Variants in PCDHA3 observed in about 807,000 individuals in gnomAD.
PCDHA3 encodes protocadherin alpha-3.
Under a neutral mutation model 62.2 loss-of-function variants are expected in PCDHA3, and 41 were observed. The ratio of observed to expected loss-of-function variants is 0.66; its 90% CI spans 0.51 to 0.86. The LOEUF (loss-of-function observed/expected upper bound fraction) is 0.86, where lower values mean the gene tolerates loss of function less well. PCDHA3 is among the 40% of genes least tolerant of loss of function. PCDHA3 has a pLI of 0.00. For synonymous variants in PCDHA3, 640 were observed against 555.4 expected (o/e 1.15, Z -2.14); for missense variants, 1,304 against 1,241.2 (o/e 1.05, Z -0.76).
At chr5:140,926,961 G>A in intron 1 of PCDHA3, 1 of 1,604,688 alleles carries the variant, frequency 6.2e-7, no homozygotes, top group Non-Finnish European at 8.5e-7. Context: ...GACAGCTCGA[G>A]TACTCAGTGC....
chr5:140,842,426 A>G (rs150855027), intron 1 of PCDHA3: 1 of 1,613,494 alleles, frequency 6.2e-7, no homozygotes, highest in African/African-American at 1.3e-5. Context: ...TGGTACTGTC[A>G]TCGCCCTAAT....
At chr5:140,857,925 A>G (rs1291686886) in intron 1 of PCDHA3, 2 of 1,597,800 alleles carry the variant, frequency 1.3e-6, no homozygotes. Context: ...GTGGGGCTGT[A>G]CACGGGCGAG....
chr5:140,946,631 T>TATATATATATATAC (rs57893927), intron 1 of PCDHA3, among the ~76,000 whole-genome samples: 2,707 of 131,678 alleles, frequency 0.021, 122 homozygotes, highest in African/African-American at 0.036. Flanking sequence ...TATATATATA[T>TATATATATATATAC]ACAATGGAAT....
chr5:140,914,771 ACTTAT>A (rs1394572780), intron 1 of PCDHA3, among the ~76,000 whole-genome samples: 1 of 151,760 alleles, frequency 6.6e-6, no homozygotes, highest in Non-Finnish European at 1.5e-5. Context: ...GAGGTTTATG[ACTTAT>A]CTTATGACCC....
Position 140,857,393 on chromosome 5 carries a change from G to C in PCDHA3, c.2394+53802G>C, listed in dbSNP as rs146099067. On this transcript the variant is annotated intron_variant, in intron 1 of 3. Coordinates refer to ENST00000522353, the MANE Select transcript of PCDHA3 (RefSeq NM_018906.3). The stretch of plus-strand genomic sequence containing the variant: ...GTCTGTGGAGGTGGCCGACGTGAAC[G>C]ACAACGCGCCTGCGTTCGCGCAGTC... The C allele has an allele frequency of 3.2e-4, 519 of 1,598,492 alleles. 32 individuals carry two copies. In the African/African-American group the frequency reaches 5.9e-3, roughly 18 times the overall value.
chr5:140,841,945 C>A (rs1554138662), intron 1 of PCDHA3: 1 of 1,613,782 alleles, frequency 6.2e-7, no homozygotes, highest in African/African-American at 1.3e-5. Flanking sequence ...CTCCTGCGCA[C>A]CACTTATTCC....
chr5:140,852,903 G>A, intron 1 of PCDHA3: 1 of 833,182 alleles, frequency 1.2e-6, no homozygotes, highest in South Asian at 5.4e-5. Flanking sequence ...TTTTGAGTCA[G>A]AGTCTCGCTC....
At chr5:140,882,039 TGA>T (rs781834736) in intron 1 of PCDHA3, 12 of 658,206 alleles carry the variant, frequency 1.8e-5, no homozygotes, top group Non-Finnish European at 2.9e-5. Flanking sequence ...ATATGAAGAC[TGA>T]GTCATACTTA....
At chr5:140,870,299 C>T (rs62622798) in intron 1 of PCDHA3, 44,120 of 1,614,102 alleles carry the variant, frequency 0.027, 770 homozygotes, top group Admixed American at 0.064. Flanking sequence ...CTGGTGTCCA[C>T]CTTCAAGAAT....
intron 1 of PCDHA3, chr5:140,857,129 G>A: frequency 6.3e-7 from 1 of 1,598,280 alleles, no homozygotes; most frequent in Non-Finnish European, 8.6e-7. Context: ...AGTGAAAGAA[G>A]ATGCTCAAGT....
intron 3 of PCDHA3, among the ~76,000 whole-genome samples, chr5:140,985,006 C>T (rs892412151): frequency 1.3e-5 from 2 of 151,922 alleles, no homozygotes; most frequent in South Asian, 2.1e-4. Context: ...GGCACGATAT[C>T]GGCTCACAGC....
intron 1 of PCDHA3, chr5:140,824,729 AGATTAC>A (rs1554130046): frequency 6.7e-6 from 1 of 149,846 alleles, no homozygotes; most frequent in African/African-American, 2.5e-5. Context: ...CGAAGTACTA[AGATTAC>A]AGGATTGAGC....
At chr5:140,985,739 C>CTTTTTT (rs11372071) in intron 3 of PCDHA3, among the ~76,000 whole-genome samples, 3 of 117,922 alleles carry the variant, frequency 2.5e-5, no homozygotes, top group Non-Finnish European at 1.7e-5. Context: ...TGATGAATTC[C>CTTTTTT]TTTTTTTTTT....
At chr5:140,988,093 G>C (rs17119334) in intron 3 of PCDHA3, among the ~76,000 whole-genome samples, 1 of 152,036 alleles carries the variant, frequency 6.6e-6, no homozygotes, top group Non-Finnish European at 1.5e-5. Flanking sequence ...GTGCAGCCTC[G>C]GGCCTTGTTG....
chr5:140,805,108 C>G, intron 1 of PCDHA3: 1 of 1,590,148 alleles, frequency 6.3e-7, no homozygotes, highest in Non-Finnish European at 8.5e-7. Flanking sequence ...AAACTATTGT[C>G]TAACAAGACT....
chr5:140,875,642 C>T (rs2153326944), intron 1 of PCDHA3: 3 of 1,613,606 alleles, frequency 1.9e-6, no homozygotes, highest in East Asian at 4.5e-5. Context: ...CTGGAGCTGG[C>T]GGAGCTGGTG....
At chr5:140,809,189 T>C (rs782091901) in intron 1 of PCDHA3, 1 of 1,614,030 alleles carries the variant, frequency 6.2e-7, no homozygotes. Context: ...TGTGCTGGTG[T>C]CACTTGTGGA....
intron 3 of PCDHA3, among the ~76,000 whole-genome samples, chr5:140,993,826 C>T (rs1401311421): frequency 1.3e-5 from 2 of 152,134 alleles, no homozygotes; most frequent in African/African-American, 4.8e-5. Context: ...ATAGGCTATA[C>T]CATATAGCCT....
At chr5:140,881,791 T>C (rs1487248430) in intron 1 of PCDHA3, among the ~76,000 whole-genome samples, 9 of 152,204 alleles carry the variant, frequency 5.9e-5, no homozygotes, top group Admixed American at 5.9e-4. Context: ...CGATCAATTG[T>C]CCCAAAACGA....
Sources: allele counts gnomAD v4.1 joint callset (sites outside exome capture counted in the v4.1 genomes callset), GRCh38; gene constraint gnomAD v4.1.1; transcripts MANE v1.5; gene names NCBI Gene and HGNC (gene_info 2026-07-23, HGNC 2026-07-21).